Variants in PDGFRB observed in about 807,000 individuals in gnomAD.
PDGFRB encodes platelet-derived growth factor receptor beta.
A neutral mutation model predicts 120.2 loss-of-function variants in PDGFRB; 42 were observed. That is an observed-to-expected ratio of 0.35 (90% CI 0.27 to 0.45). The LOEUF (loss-of-function observed/expected upper bound fraction) is 0.45, where lower values mean the gene tolerates loss of function less well. Ranked by LOEUF, PDGFRB falls within the 20% of genes least tolerant of loss-of-function variation. The probability of loss-of-function intolerance (pLI) is 1.00; values close to 1 mark genes in which losing one functional copy is unlikely to be tolerated. For missense variants in PDGFRB, 1,149 were observed against 1,476.3 expected (o/e 0.78, Z 3.63); for synonymous variants, 586 against 606.8 (o/e 0.97, Z 0.50).
intron 1 of PDGFRB, among the ~76,000 whole-genome samples, chr5:150,149,263 C>T (rs574975271): frequency 1.8e-4 from 27 of 152,108 alleles, no homozygotes; most frequent in Non-Finnish European, 7.4e-5. Context: ...GGGATGAAGC[C>T]GTCCCAAACT....
In PDGFRB at chr5:150,118,805, G is replaced by A; in HGVS notation, c.2846C>T (p.Pro949Leu). 2 of 1,613,554 alleles carry A rather than the reference G, an allele frequency of 1.2e-6. No homozygotes were observed. Among genetic ancestry groups the A allele is most frequent in the Non-Finnish European group, 1.7e-6 (2 of 1,179,554 alleles). Residue 949 changes from proline (P) to leucine (L), a missense_variant, in exon 21 of 23, where the codon CCC becomes CTC. Around this residue, in one of 3 missense-constraint regions of PDGFRB, gnomAD observed 202 missense variants for 214.3 expected, o/e 0.94. Coordinates refer to ENST00000261799, the MANE Select transcript of PDGFRB (RefSeq NM_002609.4). ...AAGCAGCACCAGCTGGGAGAAGGGGGGCCGAATCTCAAACTTCTCTTCCCA... is the reference window on the plus strand; with the variant it reads ...AAGCAGCACCAGCTGGGAGAAGGGGAGCCGAATCTCAAACTTCTCTTCCCA... The part of the protein sequence containing the change: ...KCWEEKFEIR[P>L]PFSQLVLLLE...
chr5:150,146,495 T>C (rs1255183811), intron 1 of PDGFRB, among the ~76,000 whole-genome samples: 1 of 152,204 alleles, frequency 6.6e-6, no homozygotes, highest in Non-Finnish European at 1.5e-5. Flanking sequence ...ATAAGTAAGA[T>C]GCAAAGGAAC....
chr5:150,117,947 T>G, intron 21 of PDGFRB, 97 bp from the exon 22 acceptor site: 1 of 690,760 alleles, frequency 1.4e-6, no homozygotes, highest in Non-Finnish European at 2.6e-6. Flanking sequence ...TTTGTATAAA[T>G]AAGACCCCCG....
intron 1 of PDGFRB, among the ~76,000 whole-genome samples, chr5:150,147,455 G>T (rs1186899203): frequency 6.6e-6 from 1 of 152,204 alleles, no homozygotes; most frequent in African/African-American, 2.4e-5. Context: ...GGTGGGGGCC[G>T]CAAATAGAAT....
chr5:150,142,524 CG>C (rs1246631295), intron 1 of PDGFRB, among the ~76,000 whole-genome samples: 1 of 152,024 alleles, frequency 6.6e-6, no homozygotes, highest in Middle Eastern at 3.2e-3. Flanking sequence ...TTCTCCGTAC[CG>C]GGGCACTTTA....
At position 150,134,805 on chromosome 5, in the gene PDGFRB, G is replaced by C. The variant is rs769398869; in HGVS notation, c.576C>G (p.Thr192=). Residue 192 remains threonine (T), a synonymous_variant, in exon 4 of 23, where the codon ACC becomes ACG. Transcript: ENST00000261799. ...IFEDRSYICK[T]TIGDREVDSD... is the part of the protein sequence containing the mutation. ...AATCCACCTCCCTGTCCCCAATGGT[G>C]GTTTTGCAGATGTAGCTTCTGTCCT... is the stretch of plus-strand genomic sequence containing the variant. 16 of 1,614,034 alleles carry C rather than the reference G, an allele frequency of 9.9e-6. No individual in the cohort carries two copies. The highest frequency in any genetic ancestry group is 1.6e-4 in the Middle Eastern group (1 of 6,078).
At chr5:150,147,892 A>G (rs184418798) in intron 1 of PDGFRB, among the ~76,000 whole-genome samples, 1 of 152,294 alleles carries the variant, frequency 6.6e-6, no homozygotes, top group Admixed American at 6.5e-5. Context: ...TGGCCACATT[A>G]TTATTATTCA....
chr5:150,118,790 A>C lies in PDGFRB; in HGVS notation c.2861T>G (p.Leu954Arg). 6.2e-7 allele frequency: 1 copy of C among 1,613,550 alleles called. No individual in the cohort carries two copies. The highest frequency in any genetic ancestry group is 8.5e-7 in the Non-Finnish European group (1 of 1,179,492). The change falls in exon 21 of 23, where the codon CTG (leucine) becomes CGG (arginine). Residue 954 changes from leucine to arginine, a missense_variant. Leu to Arg is a moderately radical substitution (Grantham distance 102). This residue lies in a region of PDGFRB where 202 missense variants were observed against 214.3 expected (regional missense o/e 0.94). Coordinates refer to ENST00000261799, the MANE Select transcript of PDGFRB (RefSeq NM_002609.4). ...CAACAGTCTCTCGAGAAGCAGCACCAGCTGGGAGAAGGGGGGCCGAATCTC... is the reference window on the plus strand; with the variant it reads ...CAACAGTCTCTCGAGAAGCAGCACCCGCTGGGAGAAGGGGGGCCGAATCTC... ...KFEIRPPFSQ[L>R]VLLLERLLGE...
At chr5:150,126,163 T>C (rs1424401213) in intron 11 of PDGFRB, among the ~76,000 whole-genome samples, 2 of 152,162 alleles carry the variant, frequency 1.3e-5, no homozygotes, top group Non-Finnish European at 2.9e-5. Flanking sequence ...TGCATTTCAG[T>C]AGAATCACAG....
At chr5:150,155,337 G>T (rs994266977) in intron 1 of PDGFRB, 60 bp downstream of exon 1, 3 of 290,684 alleles carry the variant, frequency 1.0e-5, no homozygotes, top group Non-Finnish European at 1.8e-5. Flanking sequence ...TCGAAGAGAT[G>T]CAGGTTAGGG....
At chr5:150,116,022 C>G (rs533134825) in intron 22 of PDGFRB, 76 bp from the exon 23 acceptor site, 1 of 1,340,764 alleles carries the variant, frequency 7.5e-7, no homozygotes, top group Non-Finnish European at 1.0e-6. Flanking sequence ...GAAGAGCCTT[C>G]GGTGTGTCCA....
chr5:150,123,236 GA>G, intron 14 of PDGFRB, 35 bp from the exon 15 acceptor site: 1 of 1,575,410 alleles, frequency 6.3e-7, no homozygotes, highest in Non-Finnish European at 8.7e-7. Flanking sequence ...AGTCCCTATG[GA>G]GGCCTCAGGC....
At chr5:150,117,402 T>G (rs1430909902) in intron 22 of PDGFRB, among the ~76,000 whole-genome samples, 1 of 152,210 alleles carries the variant, frequency 6.6e-6, no homozygotes, top group Non-Finnish European at 1.5e-5. Context: ...CCCATACTTT[T>G]GTTTTTACTA....
chr5:150,150,855 T>A (rs1761058862), intron 1 of PDGFRB, among the ~76,000 whole-genome samples: 1 of 152,024 alleles, frequency 6.6e-6, no homozygotes, highest in African/African-American at 2.4e-5. Context: ...AATTAGAGCA[T>A]ATGAGGTTTG....
intron 10 of PDGFRB, among the ~76,000 whole-genome samples, chr5:150,126,825 C>G (rs1760307546): frequency 6.6e-6 from 1 of 152,228 alleles, no homozygotes; most frequent in African/African-American, 2.4e-5. Context: ...CAGTAACTAC[C>G]CCCACTCAGA....
chr5:150,133,714 G>A lies in PDGFRB; in HGVS notation c.806C>T (p.Pro269Leu), dbSNP rs2113908653. ...EPVTDFLLDMPYHIRSILHIP... is the reference protein window; with the variant it reads ...EPVTDFLLDMLYHIRSILHIP... Reference sequence around the variant, plus strand: ...GTGCAGGATGGAGCGGATGTGGTAAGGCATATCCAAGAGGAAGTCAGTCAC... The same window carrying A: ...GTGCAGGATGGAGCGGATGTGGTAAAGCATATCCAAGAGGAAGTCAGTCAC... The change falls in exon 6 of 23, where the codon CCT (proline) becomes CTT (leucine). Residue 269 changes from proline (P) to leucine (L), a missense_variant. This residue lies in a region of PDGFRB where 879 missense variants were observed against 1,108.6 expected (regional missense o/e 0.79). Coordinates refer to ENST00000261799, the MANE Select transcript of PDGFRB (RefSeq NM_002609.4). 1 of 1,614,136 alleles carries A rather than the reference G, an allele frequency of 6.2e-7. No homozygotes were observed. Among genetic ancestry groups the A allele is most frequent in the Middle Eastern group, 1.7e-4 (1 of 6,060 alleles).
Position 150,133,651 on chromosome 5 carries a change from G to C in PDGFRB, c.869C>G (p.Thr290Ser), listed in dbSNP as rs147707126. The change falls in exon 6 of 23, where the codon ACC (threonine) becomes AGC (serine). Residue 290 changes from threonine to serine, a missense_variant. By Grantham distance (58) the Thr-to-Ser change is moderately conservative. Around this residue, in one of 3 missense-constraint regions of PDGFRB, gnomAD observed 879 missense variants for 1,108.6 expected, o/e 0.79. Transcript: ENST00000261799. ...SAELEDSGTY[T>S]CNVTESVNDH... is the part of the protein sequence containing the mutation. Reference sequence around the variant, plus strand: ...ATTCACACTCTCCGTCACATTGCAGGTGTAGGTCCCCGAGTCTTCTAACTC... The same window carrying C: ...ATTCACACTCTCCGTCACATTGCAGCTGTAGGTCCCCGAGTCTTCTAACTC... 2 of 1,614,018 alleles carry C rather than the reference G, an allele frequency of 1.2e-6. No individual in the cohort carries two copies. Among genetic ancestry groups the C allele is most frequent in the Non-Finnish European group, 1.7e-6 (2 of 1,179,884 alleles).
At chr5:150,143,670 A>G (rs1760841160) in intron 1 of PDGFRB, among the ~76,000 whole-genome samples, 1 of 152,074 alleles carries the variant, frequency 6.6e-6, no homozygotes, top group African/African-American at 2.4e-5. Flanking sequence ...TGTGGGTGTG[A>G]TTGGGTCATG....
intron 10 of PDGFRB, 55 bp from the exon 11 acceptor site, chr5:150,126,669 CA>C (rs1760304022): frequency 1.1e-6 from 1 of 912,508 alleles, no homozygotes; most frequent in African/African-American, 1.6e-5. Context: ...ACCCTCCCCT[CA>C]CCCCATCTTT....
Sources: allele counts gnomAD v4.1 joint callset (sites outside exome capture counted in the v4.1 genomes callset), GRCh38; gene constraint gnomAD v4.1.1; regional missense constraint gnomAD v4.1.1; transcripts MANE v1.5; gene names NCBI Gene and HGNC (gene_info 2026-07-23, HGNC 2026-07-21).